Variants in KIAA0586 observed in about 807,000 individuals in gnomAD.
The protein encoded by KIAA0586 is KIAA0586.
A neutral mutation model predicts 169.8 loss-of-function variants in KIAA0586; 144 were observed. That is an observed-to-expected ratio of 0.85 (90% confidence interval 0.74 to 0.97). The LOEUF (loss-of-function observed/expected upper bound fraction) is 0.97. Among genes scored for constraint, KIAA0586 ranks in the 50% least tolerant of loss-of-function variants. The pLI is 0.00. For synonymous variants in KIAA0586, 625 were observed against 612.4 expected (o/e 1.02, Z -0.30); for missense variants, 1,854 against 1,823.0 (o/e 1.02, Z -0.31).
chr14:58,551,763 C>CA (rs35183186), downstream of KIAA0586, among the ~76,000 whole-genome samples: 87 of 140,430 alleles, frequency 6.2e-4, no homozygotes, highest in African/African-American at 1.1e-3. Flanking sequence ...GAGACTGTCT[C>CA]AAAAAAAAAA....
At chr14:58,515,845 AG>A (rs1461014306) in intron 29 of KIAA0586, among the ~76,000 whole-genome samples, 2 of 152,088 alleles carry the variant, frequency 1.3e-5, no homozygotes, top group Non-Finnish European at 2.9e-5. Context: ...GTTTCTACCT[AG>A]GATGAGGAAA....
intron 5 of KIAA0586, among the ~76,000 whole-genome samples, chr14:58,443,266 G>T (rs2038562572): frequency 1.3e-5 from 2 of 152,246 alleles, no homozygotes; most frequent in Non-Finnish European, 2.9e-5. Context: ...GTAGGCCTAT[G>T]AGTCTAGAAC....
At chr14:58,432,523 G>T in intron 4 of KIAA0586, 66 bp downstream of exon 4, 1 of 872,770 alleles carries the variant, frequency 1.1e-6, no homozygotes, top group Non-Finnish European at 1.8e-6. Flanking sequence ...TTGTACTTTG[G>T]ACATATGAAA....
intron 27 of KIAA0586, among the ~76,000 whole-genome samples, chr14:58,502,269 G>A (rs772930059): frequency 1.1e-4 from 17 of 152,112 alleles, no homozygotes; most frequent in Non-Finnish European, 1.9e-4. Flanking sequence ...CTGAGTAGCT[G>A]GGACTACAGA....
intron 29 of KIAA0586, among the ~76,000 whole-genome samples, chr14:58,529,209 A>G (rs1566945686): frequency 6.6e-6 from 1 of 152,200 alleles, no homozygotes; most frequent in Admixed American, 6.5e-5. Flanking sequence ...TGAGGCAGTA[A>G]TTAATAGCCT....
At chr14:58,492,297 T>G in intron 26 of KIAA0586, 22 bp downstream of exon 26, 1 of 1,506,798 alleles carries the variant, frequency 6.6e-7, no homozygotes. Flanking sequence ...CTTTAATGAC[T>G]TTTTTTTGGT....
rs146387615 is a variant in KIAA0586 at position 58,539,359 on chromosome 14, A to G, written c.4430-712A>G. Among the ~76,000 whole-genome samples, 139 of 152,176 alleles carry G rather than the reference A, an allele frequency of 9.1e-4. 1 individual carries two copies. The East Asian group carries it at 0.025, about 27-fold the overall frequency. ...GTTCTAATTTTTTTCATATCACCCT[A>G]CCCCAAGAATTTGTTTGAAATAAGT... On this transcript the variant is annotated intron_variant, in intron 29 of 30. Coordinates refer to ENST00000652326, the MANE Select transcript of KIAA0586 (RefSeq NM_001329943.3).
chr14:58,438,183 T>C (rs752749465), intron 4 of KIAA0586, among the ~76,000 whole-genome samples: 5 of 152,158 alleles, frequency 3.3e-5, no homozygotes, highest in African/African-American at 4.8e-5. Context: ...AAATAATTGC[T>C]TCTTAATGGG....
In KIAA0586 at chr14:58,430,725, A is replaced by G; in HGVS notation, c.340+8A>G. The G allele has an allele frequency of 6.6e-7, 1 of 1,520,458 alleles. No homozygotes were observed. Among genetic ancestry groups the G allele is most frequent in the African/African-American group, 1.4e-5 (1 of 72,736 alleles). The allele number at this position is 1,520,458 out of a possible 1,614,324, so 94.2% of individuals were successfully genotyped here. On this transcript the variant is annotated splice_region_variant and intron_variant, in intron 3 of 30. Transcript: ENST00000652326. ...AGAACAACAAGCAAAAAGGTAAAAG[A>G]ATAATATTGATTTTTTTAAATTGTG...
chr14:58,432,751 C>T (rs2037483473), intron 4 of KIAA0586, among the ~76,000 whole-genome samples: 1 of 152,096 alleles, frequency 6.6e-6, no homozygotes, highest in African/African-American at 2.4e-5. Flanking sequence ...GATGGAGTCT[C>T]GCGTCGCCCA....
rs199529430 is a variant in KIAA0586 at position 58,460,971 on chromosome 14, A to T, written c.1885-15A>T. 25 of 1,547,102 alleles carry T rather than the reference A, an allele frequency of 1.6e-5. No individual in the cohort carries two copies. In the Middle Eastern group the frequency reaches 5.2e-4, roughly 32 times the overall value. ...GACTGTTTTCATGGTGAGTTGAATA[A>T]CTTTGTACACACAGGGGCTTTTGAA... On this transcript the variant is annotated splice_polypyrimidine_tract_variant and intron_variant, in intron 13 of 30. Coordinates refer to ENST00000652326, the MANE Select transcript of KIAA0586 (RefSeq NM_001329943.3).
At position 58,510,210 on chromosome 14, in the gene KIAA0586, A is replaced by G. The variant is rs577137732; in HGVS notation, c.4323+1501A>G. Among the ~76,000 whole-genome samples, 279 of 152,270 alleles carry G rather than the reference A, an allele frequency of 1.8e-3. 2 individuals carry two copies. The highest frequency in any genetic ancestry group is 3.4e-3 in the Non-Finnish European group (230 of 68,016). ...ATGGTGAAACCCCATCTCTACTAAA[A>G]ATACAAAAATTAGCTGGGTGTGGTG... On this transcript the variant is annotated intron_variant, in intron 28 of 30. Transcript: ENST00000652326.
intron 29 of KIAA0586, among the ~76,000 whole-genome samples, chr14:58,538,020 C>T (rs116893123): frequency 0.018 from 2,705 of 152,210 alleles, 45 homozygotes; most frequent in Non-Finnish European, 0.027. Context: ...TGGTGACAGA[C>T]ACCTGTAGTT....
At chr14:58,497,055 A>G (rs1241681146) in intron 26 of KIAA0586, among the ~76,000 whole-genome samples, 2 of 151,008 alleles carry the variant, frequency 1.3e-5, no homozygotes, top group East Asian at 1.9e-4. Context: ...GCTCACCACA[A>G]CCTCCACCTC....
In KIAA0586 at chr14:58,428,004, C is replaced by T; in HGVS notation, c.-261C>T. The T allele has an allele frequency of 7.0e-7, 1 of 1,424,824 alleles. No individual in the cohort carries two copies. Among genetic ancestry groups the T allele is most frequent in the Non-Finnish European group, 9.1e-7 (1 of 1,096,724 alleles). 88.3% of individuals were successfully genotyped at this position (1,424,824 alleles called of 1,614,324 possible). A position where few individuals can be genotyped will look rare whatever the true frequency, so the allele number is the denominator to read the frequency against. ...TGCACTGTTATGGTTATTGTTGCTC[C>T]TGTGGCCATTCTCTTGTCATCCCCA... On this transcript the variant is annotated 5_prime_UTR_variant, in exon 1 of 31. Coordinates refer to ENST00000652326, the MANE Select transcript of KIAA0586 (RefSeq NM_001329943.3).
chr14:58,480,080 C>T (rs944140912), intron 20 of KIAA0586, among the ~76,000 whole-genome samples: 1 of 152,038 alleles, frequency 6.6e-6, no homozygotes, highest in African/African-American at 2.4e-5. Flanking sequence ...CCTTTAACAG[C>T]CCGAATCCTA....
chr14:58,481,571 T>C (rs2042030406), intron 20 of KIAA0586, among the ~76,000 whole-genome samples: 1 of 152,156 alleles, frequency 6.6e-6, no homozygotes, highest in Non-Finnish European at 1.5e-5. Flanking sequence ...GAAATGTGAG[T>C]TGTATTCAGA....
At position 58,427,730 on chromosome 14, in the gene KIAA0586, A is replaced by T; in HGVS notation, c.-535A>T. The T allele has an allele frequency of 6.5e-7, 1 of 1,534,532 alleles. No homozygotes were observed. Among genetic ancestry groups the T allele is most frequent in the Non-Finnish European group, 8.7e-7 (1 of 1,146,730 alleles). Reference sequence around the variant, plus strand: ...TGCGGGCAACTGACGCTGTTGTCAGATTACACCCACGACGGTGCGGGTCTC... The same window carrying T: ...TGCGGGCAACTGACGCTGTTGTCAGTTTACACCCACGACGGTGCGGGTCTC... On this transcript the variant is annotated 5_prime_UTR_variant, in exon 1 of 31. Transcript: ENST00000652326.
In KIAA0586 at chr14:58,448,393, G is replaced by A. The variant is rs2039082401; in HGVS notation, c.861G>A (p.Met287Ile). 6.2e-7 allele frequency: 1 copy of A among 1,608,176 alleles called. No individual in the cohort carries two copies. Among genetic ancestry groups the A allele is most frequent in the Non-Finnish European group, 8.5e-7 (1 of 1,175,010 alleles). Residue 287 changes from methionine (M) to isoleucine (I), a missense_variant, in exon 7 of 31, where the codon ATG becomes ATA. Transcript: ENST00000652326. ...CTAGTAGTTTTCAGCCTGTTAGTAT[G>A]CCCTCCTCCAGAGCAGTGGAAAAGT... ...LKTSSFQPVSMPSSRAVEKYS... is the reference protein window; with the variant it reads ...LKTSSFQPVSIPSSRAVEKYS...
Sources: gnomAD v4.1 joint callset for allele counts (sites outside exome capture counted in the v4.1 genomes callset) on GRCh38, gnomAD v4.1.1 for gene constraint, MANE v1.5 for transcripts, NCBI Gene and HGNC (gene_info 2026-07-23, HGNC 2026-07-21) for gene names.